The following KIAA1755 variants were observed in gnomAD, a reference collection of about 807,000 sequenced individuals.
KIAA1755 encodes KIAA1755.
Under a neutral mutation model 91.7 loss-of-function variants are expected in KIAA1755, and 68 were observed. That is an observed-to-expected ratio of 0.74 (90% CI 0.61 to 0.91). The LOEUF (loss-of-function observed/expected upper bound fraction) is 0.91. Ranked by LOEUF, KIAA1755 falls within the 40% of genes least tolerant of loss-of-function variation. The pLI is 0.00. For missense variants in KIAA1755, 1,535 were observed against 1,494.4 expected (o/e 1.03, Z -0.45); for synonymous variants, 610 against 604.6 (o/e 1.01, Z -0.13).
In KIAA1755 at chr20:38,260,701, A is replaced by C; in HGVS notation, c.-201T>G. 1 of 435,114 alleles carries C rather than the reference A, an allele frequency of 2.3e-6. No individual in the cohort carries two copies. Among genetic ancestry groups the C allele is most frequent in the East Asian group, 4.3e-5 (1 of 23,302 alleles). The allele number at this position is 435,114 out of a possible 1,614,324, so 27.0% of individuals were successfully genotyped here. ...CAGGGAGAGAGACTGAGAGAGAGAC[A>C]GAGAGGGACTGAGGCTGGAGACGGC... is the stretch of plus-strand genomic sequence containing the variant. On this transcript the variant is annotated 5_prime_UTR_variant, in exon 1 of 14. Transcript: ENST00000279024.
At chr20:38,231,448 TCTC>T (rs1030998646) in intron 4 of KIAA1755, 123 bp from the exon 5 acceptor site, 2 of 1,116,880 alleles carry the variant, frequency 1.8e-6, no homozygotes, top group African/African-American at 1.6e-5. Context: ...TTTCTCTCCT[TCTC>T]CTTCTGTGAA....
At chr20:38,253,231 A>G (rs1029375915) in intron 1 of KIAA1755, among the ~76,000 whole-genome samples, 19 of 152,282 alleles carry the variant, frequency 1.2e-4, no homozygotes, top group Middle Eastern at 3.4e-3. Flanking sequence ...CTCCTATACC[A>G]TGCTCACGAC....
intron 11 of KIAA1755, 73 bp downstream of exon 11, chr20:38,219,557 C>T: frequency 6.3e-7 from 1 of 1,579,270 alleles, no homozygotes; most frequent in Non-Finnish European, 8.6e-7. Flanking sequence ...TAGGGACGGG[C>T]CCAGAGTCGG....
At chr20:38,256,261 G>A (rs1050256862) in intron 1 of KIAA1755, among the ~76,000 whole-genome samples, 1 of 152,120 alleles carries the variant, frequency 6.6e-6, no homozygotes, top group African/African-American at 2.4e-5. Context: ...ACAACCTCGG[G>A]TGGCTCCCTA....
At chr20:38,256,526 G>T (rs2076341817) in intron 1 of KIAA1755, among the ~76,000 whole-genome samples, 1 of 152,020 alleles carries the variant, frequency 6.6e-6, no homozygotes, top group Admixed American at 6.5e-5. Flanking sequence ...TTTTTGGCTG[G>T]GTGTGGCGAC....
rs760806149 is a variant in KIAA1755 at position 38,222,508 on chromosome 20, T to C, written c.2358A>G (p.Gly786=). 1.2e-6 allele frequency: 2 copies of C among 1,613,830 alleles called. No homozygotes were observed. The highest frequency in any genetic ancestry group is 1.7e-6 in the Non-Finnish European group (2 of 1,179,992). The part of the protein sequence containing the change: ...PGLLGLQREG[G]ATLARLQHDA... ...CATGCTGCAGCCTGGCCAGGGTGGC[T>C]CCACCTTCCCGCTGGAGGCCCAGTA... Residue 786 remains glycine (G), a synonymous_variant, in exon 10 of 14, where the codon GGA becomes GGG. Transcript: ENST00000279024.
chr20:38,243,102 C>T (rs746731158), intron 2 of KIAA1755, among the ~76,000 whole-genome samples: 5 of 152,176 alleles, frequency 3.3e-5, no homozygotes, highest in Admixed American at 6.5e-5. Context: ...GACAACAGGT[C>T]TTTAACTGGC....
chr20:38,241,287 A>T lies in KIAA1755; in HGVS notation c.844T>A (p.Ser282Thr), dbSNP rs555169443. The T allele has an allele frequency of 1.9e-6, 3 of 1,614,082 alleles. No homozygotes were observed. In the East Asian group the frequency reaches 6.7e-5, roughly 36 times the overall value. ...GGAGACTCTCCTCTGCTCTCTTGGG[A>T]AAAGCCTAGGAGAGCCACATAGTCT... ...EGDYVALLGF[S>T]QESRGESPSR... Residue 282 changes from serine to threonine, a missense_variant, in exon 3 of 14, where the codon TCC (serine) becomes ACC (threonine). Physicochemically the swap from Ser to Thr is moderately conservative, Grantham distance 58. Coordinates refer to ENST00000279024, the MANE Select transcript of KIAA1755 (RefSeq NM_001029864.2).
chr20:38,227,697 T>C (rs536480546), intron 6 of KIAA1755, among the ~76,000 whole-genome samples: 1 of 152,334 alleles, frequency 6.6e-6, no homozygotes, highest in Non-Finnish European at 1.5e-5. Flanking sequence ...CTGAATCCAC[T>C]GTAACTGAGA....
intron 4 of KIAA1755, among the ~76,000 whole-genome samples, chr20:38,235,610 C>T (rs571415310): frequency 6.6e-6 from 1 of 152,252 alleles, no homozygotes; most frequent in Admixed American, 6.5e-5. Context: ...TCTCTAGAAG[C>T]TGGAAAAGGC....
At chr20:38,251,910 AT>A (rs950400144) in intron 1 of KIAA1755, among the ~76,000 whole-genome samples, 9 of 152,116 alleles carry the variant, frequency 5.9e-5, no homozygotes, top group African/African-American at 2.2e-4. Context: ...AAATAAACAA[AT>A]TTAAAGGGCA....
At chr20:38,231,961 G>A (rs1360890263) in intron 4 of KIAA1755, among the ~76,000 whole-genome samples, 1 of 152,182 alleles carries the variant, frequency 6.6e-6, no homozygotes. Context: ...AGGAATCTGG[G>A]CGGTGTGCCT....
At chr20:38,225,160 A>T (rs137866805) in intron 8 of KIAA1755, among the ~76,000 whole-genome samples, 14 of 152,136 alleles carry the variant, frequency 9.2e-5, no homozygotes, top group African/African-American at 3.4e-4. Context: ...TGCCTGGCTA[A>T]CTTTTTCTTT....
chr20:38,234,474 C>A (rs1411321363), intron 4 of KIAA1755, among the ~76,000 whole-genome samples: 2 of 152,172 alleles, frequency 1.3e-5, no homozygotes, highest in East Asian at 3.9e-4. Flanking sequence ...CTGTGCTCAG[C>A]ACAAGGCTGG....
At chr20:38,230,780 C>T (rs191707807) in intron 5 of KIAA1755, among the ~76,000 whole-genome samples, 183 of 151,616 alleles carry the variant, frequency 1.2e-3, no homozygotes, top group African/African-American at 4.0e-3. Context: ...CCCAGCTACT[C>T]GGGAGGCTGA....
At position 38,217,294 on chromosome 20, in the gene KIAA1755, C is replaced by T. The variant is rs1333811405; in HGVS notation, c.2860G>A (p.Asp954Asn). Residue 954 changes from aspartate to asparagine, a missense_variant, in exon 13 of 14, where the codon GAC (aspartate) becomes AAC (asparagine). Transcript: ENST00000279024. ...TGCAGGTGGAGCAGCGTCTCGAGGT[C>T]CGTGCGTTGCCGCTCGGCCGCCATG... ...FYMAAERQRT[D>N]LETLLHLHRF... 1 of 1,607,514 alleles carries T rather than the reference C, an allele frequency of 6.2e-7. No homozygotes were observed. The highest frequency in any genetic ancestry group is 1.7e-5 in the Admixed American group (1 of 58,954).
intron 8 of KIAA1755, 55 bp downstream of exon 8, chr20:38,225,610 A>G: frequency 9.5e-7 from 1 of 1,047,916 alleles, no homozygotes; most frequent in African/African-American, 1.6e-5. Context: ...CAGAAGAGTG[A>G]AGAGAAGAAG....
At position 38,241,174 on chromosome 20, in the gene KIAA1755, C is replaced by T; in HGVS notation, c.957G>A (p.Lys319=). 1.9e-6 allele frequency: 3 copies of T among 1,614,186 alleles called. No individual in the cohort carries two copies. The highest frequency in any genetic ancestry group is 2.5e-6 in the Non-Finnish European group (3 of 1,180,024). Residue 319 remains lysine, a synonymous_variant, in exon 3 of 14, where the codon AAG becomes AAA. Coordinates refer to ENST00000279024, the MANE Select transcript of KIAA1755 (RefSeq NM_001029864.2). The part of the protein sequence containing the change: ...AGTKETPLFQ[K]ILPLSEANEG... ...CATTGGCCTCTGAGAGAGGCAGTATCTTTTGAAATAAGGGAGTTTCCTTAG... is the reference window on the plus strand; with the variant it reads ...CATTGGCCTCTGAGAGAGGCAGTATTTTTTGAAATAAGGGAGTTTCCTTAG...
At chr20:38,215,455 G>A (rs530096412) in intron 13 of KIAA1755, among the ~76,000 whole-genome samples, 7 of 152,170 alleles carry the variant, frequency 4.6e-5, no homozygotes, top group African/African-American at 9.7e-5. Context: ...CAGGGAGCTC[G>A]CCTCGCAGGC....
Sources: gnomAD v4.1 joint callset for allele counts (sites outside exome capture counted in the v4.1 genomes callset) on GRCh38, gnomAD v4.1.1 for gene constraint, MANE v1.5 for transcripts, NCBI Gene and HGNC (gene_info 2026-07-23, HGNC 2026-07-21) for gene names.